SLC14A2: variants seen among roughly 807,000 people sequenced by gnomAD.
SLC14A2 encodes solute carrier family 14 member 2.
Under a neutral mutation model 104.6 loss-of-function variants are expected in SLC14A2, and 91 were observed. That is an observed-to-expected ratio of 0.87 (90% CI 0.73 to 1.04). SLC14A2 has a LOEUF of 1.04. Among genes scored for constraint, SLC14A2 ranks in the 50% least tolerant of loss-of-function variants. The probability of loss-of-function intolerance (pLI) is 0.00; values close to 1 mark genes in which losing one functional copy is unlikely to be tolerated. For synonymous variants in SLC14A2, 476 were observed against 466.4 expected (o/e 1.02, Z -0.27); for missense variants, 1,189 against 1,156.0 (o/e 1.03, Z -0.41).
At chr18:45,536,790 A>C (rs371096057) in intron 2 of SLC14A2, among the ~76,000 whole-genome samples, 6 of 152,320 alleles carry the variant, frequency 3.9e-5, no homozygotes, top group East Asian at 1.9e-4. Context: ...GATTTGTCAC[A>C]TTGTAAGGGC....
At chr18:45,537,088 A>T (rs533791481) in intron 2 of SLC14A2, among the ~76,000 whole-genome samples, 103 of 126,272 alleles carry the variant, frequency 8.2e-4, no homozygotes, top group Non-Finnish European at 2.9e-4. Flanking sequence ...CCTTCCTTCA[A>T]CAAATATTTA....
At chr18:45,603,982 A>C (rs1348088414) in intron 2 of SLC14A2, among the ~76,000 whole-genome samples, 1 of 152,226 alleles carries the variant, frequency 6.6e-6, no homozygotes, top group African/African-American at 2.4e-5. Context: ...CTTCATACAT[A>C]ATTAAGTGGC....
chr18:45,540,272 G>A (rs753858043), intron 2 of SLC14A2, among the ~76,000 whole-genome samples: 6 of 151,944 alleles, frequency 3.9e-5, no homozygotes, highest in Non-Finnish European at 5.9e-5. Context: ...CCTGTTCCTC[G>A]GGTCTGCTCC....
Position 45,385,305 on chromosome 18 carries a change from C to T in SLC14A2, c.-124-97928C>T, listed in dbSNP as rs182300991. On this transcript the variant is annotated intron_variant, in intron 1 of 20. Coordinates refer to the SLC14A2 transcript ENST00000586448. ...ATAACGCTTTCGAGTGTGCAGGAAT[C>T]ACAGGACCCCACACTAAGGGAGTTG... 7.6e-4 allele frequency among the ~76,000 whole-genome samples: 116 copies of T among 152,346 alleles called. 1 individual carries two copies. Among genetic ancestry groups the T allele is most frequent in the Non-Finnish European group, 1.0e-3 (69 of 68,034 alleles).
At chr18:45,316,366 A>G (rs1471149837) in intron 1 of SLC14A2, among the ~76,000 whole-genome samples, 1 of 152,172 alleles carries the variant, frequency 6.6e-6, no homozygotes, top group Admixed American at 6.5e-5. Context: ...GTTGAGATAA[A>G]GGGAAGAGGA....
chr18:45,379,584 A>G (rs1161205310), intron 1 of SLC14A2, among the ~76,000 whole-genome samples: 1 of 152,178 alleles, frequency 6.6e-6, no homozygotes, highest in African/African-American at 2.4e-5. Flanking sequence ...TCTGGGTGAA[A>G]TACCTTTAAA....
intron 1 of SLC14A2, among the ~76,000 whole-genome samples, chr18:45,480,947 T>A (rs1022115426): frequency 3.3e-5 from 5 of 150,708 alleles, no homozygotes; most frequent in Admixed American, 2.0e-4. Context: ...ATATATATAT[T>A]AAGACTCACT....
intron 1 of SLC14A2, among the ~76,000 whole-genome samples, chr18:45,403,469 G>C (rs895736624): frequency 2.6e-5 from 4 of 152,112 alleles, no homozygotes; most frequent in African/African-American, 9.7e-5. Flanking sequence ...GTGCTCCATC[G>C]CTGTGGGCCA....
chr18:45,208,819 G>C (rs894927086), upstream of SLC14A2, among the ~76,000 whole-genome samples: 6 of 151,994 alleles, frequency 3.9e-5, no homozygotes, highest in Admixed American at 6.6e-5. Context: ...GAAAAAGTTA[G>C]GGGTTTGGGA....
chr18:45,302,715 G>A (rs1185379447), intron 1 of SLC14A2, among the ~76,000 whole-genome samples: 1 of 152,168 alleles, frequency 6.6e-6, no homozygotes, highest in African/African-American at 2.4e-5. Flanking sequence ...TATGCCTGGT[G>A]TACAGCAATG....
chr18:45,413,583 A>C (rs913262429), intron 1 of SLC14A2, among the ~76,000 whole-genome samples: 1 of 152,208 alleles, frequency 6.6e-6, no homozygotes, highest in Admixed American at 6.5e-5. Context: ...AAGAAGGAGC[A>C]GTCAGAATTA....
At chr18:45,614,437 C>T (rs138639118), upstream of SLC14A2, among the ~76,000 whole-genome samples, 1,034 of 152,290 alleles carry the variant, frequency 6.8e-3, 10 homozygotes, top group Non-Finnish European at 0.012. Flanking sequence ...GACCACCGTA[C>T]TCCAGACCCC....
At chr18:45,247,398 C>G (rs1373696390) in intron 1 of SLC14A2, among the ~76,000 whole-genome samples, 2 of 152,148 alleles carry the variant, frequency 1.3e-5, no homozygotes, top group Non-Finnish European at 2.9e-5. Flanking sequence ...GTGTGGCTTC[C>G]TTCAACGGAT....
chr18:45,676,604 A>T (rs1347850312), intron 18 of SLC14A2, among the ~76,000 whole-genome samples: 1 of 151,790 alleles, frequency 6.6e-6, no homozygotes, highest in Non-Finnish European at 1.5e-5. Context: ...GGCTGGGGGA[A>T]GTGCTACTGG....
intron 4 of SLC14A2, among the ~76,000 whole-genome samples, chr18:45,628,000 C>CAAAAAAAAAAAA (rs58009345): frequency 2.4e-5 from 2 of 83,554 alleles, no homozygotes; most frequent in African/African-American, 8.8e-5. Flanking sequence ...AAGACTTTCT[C>CAAAAAAAAAAAA]AAAAAAAAAA....
At chr18:45,367,490 A>G (rs1416831593) in intron 1 of SLC14A2, among the ~76,000 whole-genome samples, 1 of 152,238 alleles carries the variant, frequency 6.6e-6, no homozygotes, top group East Asian at 1.9e-4. Flanking sequence ...TTTAAATGGC[A>G]CATTGACCAA....
At chr18:45,478,529 T>G (rs2087428973) in intron 1 of SLC14A2, among the ~76,000 whole-genome samples, 2 of 152,252 alleles carry the variant, frequency 1.3e-5, no homozygotes, top group Non-Finnish European at 1.5e-5. Flanking sequence ...TGTTTCCTTT[T>G]ATCATTACCT....
chr18:45,427,938 C>A (rs1256764615), intron 1 of SLC14A2, among the ~76,000 whole-genome samples: 1 of 152,152 alleles, frequency 6.6e-6, no homozygotes, highest in Non-Finnish European at 1.5e-5. Context: ...AACTGCCCTG[C>A]CTTTCCCACA....
At chr18:45,223,376 T>C (rs1007853033) in intron 1 of SLC14A2, among the ~76,000 whole-genome samples, 2 of 152,248 alleles carry the variant, frequency 1.3e-5, no homozygotes, top group South Asian at 4.2e-4. Context: ...TTTTGATAGA[T>C]GCATATGTGT....
Sources: gnomAD v4.1 joint callset for allele counts (sites outside exome capture counted in the v4.1 genomes callset) on GRCh38, gnomAD v4.1.1 for gene constraint, MANE v1.5 for transcripts, NCBI Gene and HGNC (gene_info 2026-07-23, HGNC 2026-07-21) for gene names.